Variants in ZNF236 observed in about 807,000 individuals in gnomAD.
ZNF236 encodes zinc finger protein 236.
A neutral mutation model predicts 191.2 loss-of-function variants in ZNF236; 50 were observed. The ratio of observed to expected loss-of-function variants is 0.26; its 90% CI spans 0.21 to 0.33. ZNF236 has a LOEUF of 0.33. ZNF236 is among the 10% of genes least tolerant of loss of function. The pLI, the probability that ZNF236 is intolerant of heterozygous loss-of-function variation, is 1.00. For missense variants in ZNF236, 1,754 were observed against 2,374.5 expected (o/e 0.74, Z 5.43); for synonymous variants, 907 against 928.8 (o/e 0.98, Z 0.43).
intron 1 of ZNF236, among the ~76,000 whole-genome samples, chr18:76,825,432 T>C (rs1007156538): frequency 6.6e-6 from 1 of 152,214 alleles, no homozygotes; most frequent in Non-Finnish European, 1.5e-5. Context: ...ACTGCTGACA[T>C]CTTAGCACGA....
intron 3 of ZNF236, among the ~76,000 whole-genome samples, chr18:76,865,499 C>A (rs1377744931): frequency 6.6e-6 from 1 of 152,204 alleles, no homozygotes; most frequent in Non-Finnish European, 1.5e-5. Flanking sequence ...TTAAACTATT[C>A]ACCACTTAGG....
intron 9 of ZNF236, chr18:76,886,561 C>A: frequency 5.3e-6 from 1 of 188,616 alleles, no homozygotes; most frequent in South Asian, 1.1e-4. Context: ...CCTGCTGCTC[C>A]TGCAGCTTCT....
At position 76,892,168 on chromosome 18, in the gene ZNF236, G is replaced by GTTTTTTT. The variant is rs34870901; in HGVS notation, c.1418-2830_1418-2824dup. Among the ~76,000 whole-genome samples the GTTTTTTT allele has an allele frequency of 1.3e-4, 7 of 52,774 alleles. 1 individual carries two copies. The highest frequency in any genetic ancestry group is 3.6e-4 in the Admixed American group (1 of 2,784). The allele number at this position is 52,774 out of a possible 152,430, so 34.6% of individuals were successfully genotyped here. A position where few individuals can be genotyped will look rare whatever the true frequency, so the allele number is the denominator to read the frequency against. Reference sequence around the variant, plus strand: ...TTTTCTTTTTGAAATTTTCTTCTGGGTTTTTTTTTTTTTTTTTTTTTGTAA... The same window carrying GTTTTTTT: ...TTTTCTTTTTGAAATTTTCTTCTGGGTTTTTTTTTTTTTTTTTTTTTTTTTTTTGTAA... On this transcript the variant is annotated intron_variant, in intron 9 of 30. Transcript: ENST00000320610.
Position 76,919,077 on chromosome 18 carries a change from T to C in ZNF236, c.3275-699T>C, listed in dbSNP as rs1318236601. ...TGGTCTCCCATTTTTGGGCTTCTGGTTTTAAAAAATCTGATGGTAATTCAT... is the reference window on the plus strand; with the variant it reads ...TGGTCTCCCATTTTTGGGCTTCTGGCTTTAAAAAATCTGATGGTAATTCAT... On this transcript the variant is annotated intron_variant, in intron 19 of 30. Coordinates refer to ENST00000320610, the MANE Select transcript of ZNF236 (RefSeq NM_001306089.2). The surrounding 1 kb of genome is among the most constrained non-coding windows in gnomAD (Gnocchi z 5.3). Among the ~76,000 whole-genome samples, 1 of 152,198 alleles carries C rather than the reference T, an allele frequency of 6.6e-6. No individual in the cohort carries two copies. Among genetic ancestry groups the C allele is most frequent in the Non-Finnish European group, 1.5e-5 (1 of 68,036 alleles).
intron 3 of ZNF236, among the ~76,000 whole-genome samples, chr18:76,853,620 G>A (rs1975948321): frequency 6.6e-6 from 1 of 152,124 alleles, no homozygotes; most frequent in Admixed American, 6.5e-5. Context: ...GGGAGCTGTT[G>A]GTCAAAGGCC....
chr18:76,877,171 A>G (rs977497361), intron 6 of ZNF236, among the ~76,000 whole-genome samples: 1 of 152,186 alleles, frequency 6.6e-6, no homozygotes, highest in Non-Finnish European at 1.5e-5. Flanking sequence ...GTTCTTACTC[A>G]TTTTACTGGT....
chr18:76,926,900 C>A, intron 22 of ZNF236, 137 bp from the exon 23 acceptor site: 1 of 997,406 alleles, frequency 1.0e-6, no homozygotes, highest in Non-Finnish European at 1.4e-6. Context: ...AGTAGGTGTT[C>A]GTATTCCACA....
intron 19 of ZNF236, among the ~76,000 whole-genome samples, chr18:76,918,271 G>T (rs115566272): frequency 6.6e-6 from 1 of 152,044 alleles, no homozygotes; most frequent in South Asian, 2.1e-4. Context: ...GCTGAGGATT[G>T]GTTCCTGGAC....
At position 76,895,228 on chromosome 18, in the gene ZNF236, T is replaced by C; in HGVS notation, c.1633T>C (p.Cys545Arg). 1 of 1,600,618 alleles carries C rather than the reference T, an allele frequency of 6.2e-7. No individual in the cohort carries two copies. The highest frequency in any genetic ancestry group is 8.5e-7 in the Non-Finnish European group (1 of 1,179,946). The change falls in exon 10 of 31, where the codon TGC (cysteine) becomes CGC (arginine). Residue 545 changes from cysteine to arginine, a missense_variant. This residue lies in a region of ZNF236 where 641 missense variants were observed against 869.6 expected (regional missense o/e 0.74). Coordinates refer to ENST00000320610, the MANE Select transcript of ZNF236 (RefSeq NM_001306089.2). The stretch of plus-strand genomic sequence containing the variant: ...CATCAAGGCGTTCAAGTGCCAGTAC[T>C]GCATGAAGAGCTTCTCCACCTCTGG... ...TGIKAFKCQY[C>R]MKSFSTSGSL...
rs192795860 is a variant in ZNF236 at position 76,880,778 on chromosome 18, C to T, written c.1188+462C>T. 8.9e-4 allele frequency among the ~76,000 whole-genome samples: 136 copies of T among 152,140 alleles called. No individual in the cohort carries two copies. The highest frequency in any genetic ancestry group is 3.0e-3 in the African/African-American group (126 of 41,512). ...AGAGGAGGGGGGCAGGAGCGCAGAG[C>T]CCCCAGCTTTCTAGTCCACCGTGAC... On this transcript the variant is annotated intron_variant, in intron 8 of 30. Transcript: ENST00000320610. This position sits in a 1 kb window ranked among gnomAD's most constrained non-coding sequence, Gnocchi z 5.0.
intron 3 of ZNF236, among the ~76,000 whole-genome samples, chr18:76,862,028 T>C (rs1976250516): frequency 6.6e-6 from 1 of 151,980 alleles, no homozygotes; most frequent in South Asian, 2.1e-4. Flanking sequence ...CACGCCCGGC[T>C]AGTTTTTTGT....
intron 16 of ZNF236, 32 bp from the exon 17 acceptor site, chr18:76,912,212 G>A (rs1334644743): frequency 1.3e-6 from 2 of 1,494,526 alleles, no homozygotes; most frequent in Admixed American, 1.7e-5. Context: ...AGATATTCAA[G>A]TAGTTTGCTT....
intron 1 of ZNF236, among the ~76,000 whole-genome samples, chr18:76,838,242 A>G (rs369707302): frequency 2.6e-5 from 4 of 152,230 alleles, no homozygotes; most frequent in Non-Finnish European, 2.9e-5. Flanking sequence ...TAAAGTTACT[A>G]TTTAGGAGAA....
chr18:76,919,895 G>A lies in ZNF236; in HGVS notation c.3394G>A (p.Glu1132Lys). 6.2e-7 allele frequency: 1 copy of A among 1,614,218 alleles called. No individual in the cohort carries two copies. The highest frequency in any genetic ancestry group is 8.5e-7 in the Non-Finnish European group (1 of 1,180,038). Reference protein sequence around the residue: ...TAQLAKIRPQESATVSEKVLV... With the variant: ...TAQLAKIRPQKSATVSEKVLV... ...CCAGTTAGCCAAGATCCGGCCGCAG[G>A]AGAGCGCCACGGTGTCAGAGAAGGT... The change falls in exon 20 of 31, where the codon GAG (glutamate) becomes AAG (lysine). Residue 1132 changes from glutamate to lysine, a missense_variant. Physicochemically the swap from Glu to Lys is moderately conservative, Grantham distance 56. Around this residue, in one of 5 missense-constraint regions of ZNF236, gnomAD observed 641 missense variants for 869.6 expected, o/e 0.74. Coordinates refer to ENST00000320610, the MANE Select transcript of ZNF236 (RefSeq NM_001306089.2). The surrounding 1 kb of genome is among the most constrained non-coding windows in gnomAD (Gnocchi z 5.3).
chr18:76,922,892 A>C (rs550889009), intron 20 of ZNF236, among the ~76,000 whole-genome samples, 179 bp from the exon 21 acceptor site: 1 of 152,284 alleles, frequency 6.6e-6, no homozygotes, highest in Admixed American at 6.5e-5. Context: ...TTGTCCTGCA[A>C]ATATTTTCGT....
At chr18:76,835,394 C>T (rs540056391) in intron 1 of ZNF236, among the ~76,000 whole-genome samples, 5 of 152,278 alleles carry the variant, frequency 3.3e-5, no homozygotes, top group Non-Finnish European at 7.4e-5. Context: ...GTCAGTTACT[C>T]AGAAAAGTAT....
intron 1 of ZNF236, among the ~76,000 whole-genome samples, chr18:76,847,608 G>A (rs893941536): frequency 3.9e-5 from 6 of 152,142 alleles, no homozygotes; most frequent in Admixed American, 1.3e-4. Flanking sequence ...TGGGGCTACA[G>A]GCGCCCACCA....
At chr18:76,966,381 T>G (rs1968777746) in intron 30 of ZNF236, among the ~76,000 whole-genome samples, 2 of 152,012 alleles carry the variant, frequency 1.3e-5, no homozygotes, top group Admixed American at 1.3e-4. Flanking sequence ...AGAATTTGAT[T>G]AGATTAAATT....
chr18:76,835,580 C>T (rs1234694036), intron 1 of ZNF236, among the ~76,000 whole-genome samples: 1 of 151,914 alleles, frequency 6.6e-6, no homozygotes, highest in Non-Finnish European at 1.5e-5. Context: ...CTTAAAGCCT[C>T]CTTTGTTTGA....
Sources: gnomAD v4.1 joint callset for allele counts (sites outside exome capture counted in the v4.1 genomes callset) on GRCh38, gnomAD v4.1.1 for gene constraint, gnomAD v4.1.1 regional missense constraint, Gnocchi (gnomAD v3.1) non-coding constraint, MANE v1.5 for transcripts, NCBI Gene and HGNC (gene_info 2026-07-23, HGNC 2026-07-21) for gene names.